The following GLI3 variants were observed in gnomAD, a reference collection of about 807,000 sequenced individuals.
GLI3 encodes the protein transcription activator GLI3.
GLI3 carries 20 observed loss-of-function variants against 100.8 expected under a neutral mutation model. The ratio of observed to expected loss-of-function variants is 0.20; its 90% confidence interval spans 0.14 to 0.29. GLI3 has a LOEUF of 0.29. Among genes scored for constraint, GLI3 ranks in the 10% least tolerant of loss-of-function variants. GLI3 has a pLI of 1.00. For synonymous variants in GLI3, 938 were observed against 860.5 expected (o/e 1.09, Z -1.58); for missense variants, 2,040 against 2,128.5 (o/e 0.96, Z 0.82).
chr7:42,127,825 T>C (rs1166779140), intron 3 of GLI3, among the ~76,000 whole-genome samples: 6 of 152,022 alleles, frequency 3.9e-5, no homozygotes, highest in South Asian at 2.1e-4. Context: ...CTGGGCAACA[T>C]GGCAAAACTC....
At chr7:42,234,521 T>C (rs985350258) in intron 1 of GLI3, among the ~76,000 whole-genome samples, 1 of 152,218 alleles carries the variant, frequency 6.6e-6, no homozygotes, top group Non-Finnish European at 1.5e-5. Flanking sequence ...TTTTCATCAG[T>C]ATTGAATTTT....
intron 3 of GLI3, among the ~76,000 whole-genome samples, chr7:42,100,578 T>TA (rs76401231): frequency 2.1e-3 from 229 of 110,634 alleles, no homozygotes; most frequent in Non-Finnish European, 2.7e-3. Flanking sequence ...TCTACAAACA[T>TA]AAAAAAAAAA....
At chr7:42,085,914 G>A (rs1489920673) in intron 3 of GLI3, among the ~76,000 whole-genome samples, 2 of 152,204 alleles carry the variant, frequency 1.3e-5, no homozygotes, top group Non-Finnish European at 2.9e-5. Flanking sequence ...TATTTCAAGA[G>A]TGTGCTGGTT....
At chr7:42,262,486 C>T (rs1789156330) in intron 1 of GLI3, among the ~76,000 whole-genome samples, 1 of 152,098 alleles carries the variant, frequency 6.6e-6, no homozygotes, top group East Asian at 1.9e-4. Flanking sequence ...TCTCAAACTC[C>T]TGGGCTCAAG....
chr7:42,030,397 C>A (rs899733938), intron 7 of GLI3, among the ~76,000 whole-genome samples: 2 of 152,104 alleles, frequency 1.3e-5, no homozygotes, highest in Admixed American at 1.3e-4. Context: ...TCTTTGGGGC[C>A]GTTATCCTGC....
At chr7:42,056,896 C>A (rs898369069) in intron 4 of GLI3, among the ~76,000 whole-genome samples, 1 of 151,390 alleles carries the variant, frequency 6.6e-6, no homozygotes, top group African/African-American at 2.4e-5. Context: ...GCTGCAGAAT[C>A]GCTTGAACCC....
At chr7:42,140,826 C>A (rs1373302350) in intron 3 of GLI3, among the ~76,000 whole-genome samples, 1 of 152,054 alleles carries the variant, frequency 6.6e-6, no homozygotes, top group African/African-American at 2.4e-5. Flanking sequence ...AGGAGGAGGG[C>A]CGAGGATAAT....
intron 3 of GLI3, among the ~76,000 whole-genome samples, chr7:42,107,934 C>T (rs902925613): frequency 1.3e-5 from 2 of 152,196 alleles, no homozygotes; most frequent in Non-Finnish European, 2.9e-5. Flanking sequence ...CACTGGCACA[C>T]TCACAAGTTT....
At chr7:41,995,545 A>G (rs1213607731) in intron 10 of GLI3, among the ~76,000 whole-genome samples, 1 of 152,278 alleles carries the variant, frequency 6.6e-6, no homozygotes, top group South Asian at 2.1e-4. Context: ...GATAAGAACA[A>G]AATTCAGGGC....
chr7:42,164,627 G>A (rs1233255422), intron 2 of GLI3, among the ~76,000 whole-genome samples: 6 of 151,632 alleles, frequency 4.0e-5, no homozygotes, highest in African/African-American at 9.7e-5. Context: ...TCAGGAGATC[G>A]AGACCATCCT....
chr7:42,119,012 C>G (rs1785929441), intron 3 of GLI3, among the ~76,000 whole-genome samples: 1 of 152,162 alleles, frequency 6.6e-6, no homozygotes, highest in African/African-American at 2.4e-5. Context: ...CTCCTGCAAC[C>G]TTGGAGGCAG....
chr7:42,229,371 T>A (rs751900180), intron 1 of GLI3, among the ~76,000 whole-genome samples: 1 of 152,210 alleles, frequency 6.6e-6, no homozygotes, highest in Non-Finnish European at 1.5e-5. Context: ...ACAGAAGACA[T>A]TCCAGGCGAG....
At position 42,244,702 on chromosome 7, in the gene GLI3, T is replaced by TA. The variant is rs796300282; in HGVS notation, c.-43+19291dup. Among the ~76,000 whole-genome samples the TA allele has an allele frequency of 9.0e-3, 1,274 of 142,280 alleles. 16 individuals are homozygous for TA. Among genetic ancestry groups the TA allele is most frequent in the African/African-American group, 0.028 (1,106 of 38,908 alleles). The allele number at this position is 142,280 out of a possible 152,430, so 93.3% of individuals were successfully genotyped here. ...TCAGAAAGTCAGAATAAAACACCTTTAAAAAAAAAAAAAGTAAAATAATCA... is the reference window on the plus strand; with the variant it reads ...TCAGAAAGTCAGAATAAAACACCTTTAAAAAAAAAAAAAAGTAAAATAATCA... On this transcript the variant is annotated intron_variant, in intron 1 of 2. Transcript: ENST00000678978.
intron 1 of GLI3, among the ~76,000 whole-genome samples, chr7:42,233,158 T>G (rs1788727227): frequency 6.6e-6 from 1 of 152,214 alleles, no homozygotes; most frequent in African/African-American, 2.4e-5. Flanking sequence ...AATTTAAAAA[T>G]AATAATTATG....
chr7:42,098,742 C>A (rs1292010125), intron 3 of GLI3, among the ~76,000 whole-genome samples: 1 of 152,160 alleles, frequency 6.6e-6, no homozygotes, highest in Non-Finnish European at 1.5e-5. Context: ...ACAAATGTCC[C>A]TTATTCCCCA....
At chr7:42,101,720 T>C (rs928663445) in intron 3 of GLI3, among the ~76,000 whole-genome samples, 1 of 151,160 alleles carries the variant, frequency 6.6e-6, no homozygotes, top group African/African-American at 2.4e-5. Context: ...AGTTTTAGGG[T>C]ACATGTGCAC....
chr7:42,132,326 T>A (rs899181680), intron 3 of GLI3, among the ~76,000 whole-genome samples: 2 of 151,950 alleles, frequency 1.3e-5, no homozygotes, highest in Non-Finnish European at 2.9e-5. Flanking sequence ...GGTCTCGATC[T>A]CCTGACCTCC....
intron 3 of GLI3, among the ~76,000 whole-genome samples, chr7:42,111,627 T>G (rs1785708963): frequency 6.6e-6 from 1 of 152,120 alleles, no homozygotes; most frequent in Admixed American, 6.5e-5. Flanking sequence ...TAGAAAATGT[T>G]TCAAATAGCC....
intron 2 of GLI3, among the ~76,000 whole-genome samples, chr7:42,210,278 T>C (rs907694309): frequency 2.7e-5 from 4 of 149,620 alleles, no homozygotes; most frequent in Non-Finnish European, 5.9e-5. Context: ...AGAATTTCTA[T>C]AAAAATTGTA....
Sources: allele counts gnomAD v4.1 joint callset (sites outside exome capture counted in the v4.1 genomes callset), GRCh38; gene constraint gnomAD v4.1.1; transcripts MANE v1.5; gene names NCBI Gene and HGNC (gene_info 2026-07-23, HGNC 2026-07-21).